Variants in RBPJ observed in about 807,000 individuals in gnomAD.
The protein encoded by RBPJ is recombining binding protein suppressor of hairless.
In RBPJ, 9 loss-of-function variants were observed where a neutral mutation model predicts 67.8. The observed-to-expected ratio is 0.13, with a 90% confidence interval of 0.08 to 0.23. RBPJ has a LOEUF of 0.23. RBPJ is among the 10% of genes least tolerant of loss of function. The pLI is 1.00. For missense variants in RBPJ, 305 were observed against 595.6 expected (o/e 0.51, Z 5.08); for synonymous variants, 198 against 203.3 (o/e 0.97, Z 0.22).
At chr4:26,316,595 A>AATAT (rs200472663), upstream of RBPJ, among the ~76,000 whole-genome samples, 1 of 121,480 alleles carries the variant, frequency 8.2e-6, no homozygotes, top group African/African-American at 3.6e-5. Flanking sequence ...TCATATATAT[A>AATAT]ATATATATAT....
At position 26,285,678 on chromosome 4, in the gene RBPJ, T is replaced by TAAAAA. The variant is rs545484809; in HGVS notation, c.-166-76748_-166-76744dup. Among the ~76,000 whole-genome samples the TAAAAA allele has an allele frequency of 1.5e-3, 148 of 96,260 alleles. 7 individuals carry two copies. The highest frequency in any genetic ancestry group is 6.1e-3 in the African/African-American group (134 of 22,028). The allele number at this position is 96,260 out of a possible 152,430, so 63.2% of individuals were successfully genotyped here. ...TACCTGCTTAATGATACTGATACGT[T>TAAAAA]AAAAAAAAAAAAAAAAAAAAAAAAG... On this transcript the variant is annotated intron_variant, in intron 1 of 4. Coordinates refer to the RBPJ transcript ENST00000512351.
intron 1 of RBPJ, among the ~76,000 whole-genome samples, chr4:26,244,200 T>C (rs1346217550): frequency 7.0e-6 from 1 of 143,200 alleles, no homozygotes; most frequent in East Asian, 2.1e-4. Context: ...TATATGTGTC[T>C]ATATATGTAT....
intron 1 of RBPJ, among the ~76,000 whole-genome samples, chr4:26,270,426 AAAG>A (rs1720870094): frequency 8.6e-5 from 5 of 58,408 alleles, no homozygotes; most frequent in South Asian, 5.5e-4. Flanking sequence ...AGAAAGAAAG[AAAG>A]AAAGAAAGAA....
At chr4:26,243,374 T>G (rs1386261272) in intron 1 of RBPJ, among the ~76,000 whole-genome samples, 1 of 152,232 alleles carries the variant, frequency 6.6e-6, no homozygotes, top group Non-Finnish European at 1.5e-5. Flanking sequence ...TGACTGTATT[T>G]GTTGCCAATG....
the RBPJ span, among the ~76,000 whole-genome samples, chr4:26,144,498 G>A: frequency 6.6e-6 from 1 of 152,020 alleles, no homozygotes; most frequent in Non-Finnish European, 1.5e-5. Flanking sequence ...TCAAACCCCT[G>A]ACCTCAGGGG....
upstream of RBPJ, among the ~76,000 whole-genome samples, chr4:26,318,228 A>G (rs10008046): frequency 0.2 from 30,664 of 151,990 alleles, 5,003 homozygotes; most frequent in African/African-American, 0.44. Flanking sequence ...TCAAAATTCA[A>G]TTCAACTCTA....
intron 1 of RBPJ, among the ~76,000 whole-genome samples, chr4:26,332,272 C>T (rs1270704883): frequency 1.3e-5 from 2 of 151,770 alleles, no homozygotes; most frequent in Non-Finnish European, 2.9e-5. Context: ...GGTAAGTAAG[C>T]CATTCTTTGT....
chr4:26,222,101 GTCTCCTA>G (rs1368127906), intron 1 of RBPJ, among the ~76,000 whole-genome samples: 4 of 152,210 alleles, frequency 2.6e-5, no homozygotes, highest in African/African-American at 9.6e-5. Flanking sequence ...ACTCCAGTGT[GTCTCCTA>G]TCTCCTATCT....
rs749479568 is a variant in RBPJ at position 26,415,468 on chromosome 4, T to G, written c.156-7T>G. 2.5e-6 allele frequency: 4 copies of G among 1,572,872 alleles called. No individual in the cohort carries two copies. Among genetic ancestry groups the G allele is most frequent in the Non-Finnish European group, 3.4e-6 (4 of 1,165,660 alleles). ...CTTGTTTTTTTTTTTCCCCTATTAT[T>G]CTTCAGGTTTTTTTGCCCACCTCCT... On this transcript the variant is annotated splice_polypyrimidine_tract_variant and splice_region_variant and intron_variant, in intron 3 of 10. Transcript: ENST00000355476.
intron 1 of RBPJ, among the ~76,000 whole-genome samples, chr4:26,334,994 G>T (rs1724658698): frequency 6.6e-6 from 1 of 152,072 alleles, no homozygotes; most frequent in Non-Finnish European, 1.5e-5. Flanking sequence ...TGGTTGTTCT[G>T]CAGGCTCATT....
intron 1 of RBPJ, among the ~76,000 whole-genome samples, chr4:26,278,301 A>G (rs186733302): frequency 6.6e-6 from 1 of 152,362 alleles, no homozygotes; most frequent in East Asian, 1.9e-4. Flanking sequence ...TTATTAATTT[A>G]TGAGGGATCC....
chr4:26,346,957 A>G (rs1726219214), intron 1 of RBPJ, among the ~76,000 whole-genome samples: 2 of 151,990 alleles, frequency 1.3e-5, no homozygotes, highest in African/African-American at 4.8e-5. Flanking sequence ...GCGCCACTGC[A>G]CTCCAGTCTG....
At chr4:26,294,870 C>T (rs889013078) in intron 1 of RBPJ, among the ~76,000 whole-genome samples, 12 of 145,738 alleles carry the variant, frequency 8.2e-5, no homozygotes, top group East Asian at 2.0e-4. Context: ...AGCAAGACTC[C>T]GTCTCAAAAA....
chr4:26,120,342 T>A, the RBPJ span, among the ~76,000 whole-genome samples: 8 of 152,112 alleles, frequency 5.3e-5, no homozygotes, highest in African/African-American at 1.7e-4. Context: ...AATAGCTAAG[T>A]ACCACTACAG....
At chr4:26,184,096 C>T (rs538308706) in intron 1 of RBPJ, among the ~76,000 whole-genome samples, 340 of 151,214 alleles carry the variant, frequency 2.2e-3, no homozygotes, top group Non-Finnish European at 3.4e-3. Context: ...GCAGGAGAAT[C>T]GCTTGAACCT....
intron 1 of RBPJ, among the ~76,000 whole-genome samples, chr4:26,191,277 C>A (rs1717534994): frequency 8.0e-6 from 1 of 124,314 alleles, no homozygotes; most frequent in African/African-American, 3.0e-5. Flanking sequence ...AGAGAGAGAT[C>A]GTATCAAGTG....
intron 1 of RBPJ, among the ~76,000 whole-genome samples, chr4:26,210,812 C>CTT (rs1577475989): frequency 9.4e-5 from 4 of 42,502 alleles, no homozygotes; most frequent in South Asian, 1.5e-3. Flanking sequence ...TCTTTCTTTT[C>CTT]TCCTGTGTGT....
chr4:26,255,681 A>G (rs1217470397), intron 1 of RBPJ, among the ~76,000 whole-genome samples: 1 of 151,482 alleles, frequency 6.6e-6, no homozygotes, highest in Admixed American at 6.6e-5. Flanking sequence ...AGGTGCCTGT[A>G]GTCCCAGCTA....
intron 1 of RBPJ, among the ~76,000 whole-genome samples, chr4:26,359,514 G>A (rs1347661776): frequency 1.3e-5 from 2 of 151,656 alleles, no homozygotes; most frequent in Non-Finnish European, 2.9e-5. Context: ...GGCTCGGGTG[G>A]GGGTTCCCTT....
Sources: gnomAD v4.1 joint callset for allele counts (sites outside exome capture counted in the v4.1 genomes callset) on GRCh38, gnomAD v4.1.1 for gene constraint, MANE v1.5 for transcripts, NCBI Gene and HGNC (gene_info 2026-07-23, HGNC 2026-07-21) for gene names.